CP: variants seen among roughly 807,000 people sequenced by gnomAD.
The protein encoded by CP is caeruloplasmin.
In CP, 64 loss-of-function variants were observed where a neutral mutation model predicts 122.4. The observed-to-expected ratio is 0.52, with a 90% CI of 0.43 to 0.64. The LOEUF is 0.64. CP is among the 30% of genes least tolerant of loss of function. CP has a pLI of 0.00. For missense variants in CP, 1,167 were observed against 1,284.4 expected (o/e 0.91, Z 1.40); for synonymous variants, 440 against 436.4 (o/e 1.01, Z -0.10).
intron 9 of CP, among the ~76,000 whole-genome samples, chr3:149,197,409 C>T (rs1489424273): frequency 6.6e-6 from 1 of 151,816 alleles, no homozygotes; most frequent in African/African-American, 2.4e-5. Flanking sequence ...GTTTATGAAT[C>T]TAGGAAACCA....
chr3:149,213,687 C>T (rs1391773513), intron 1 of CP, among the ~76,000 whole-genome samples: 1 of 149,734 alleles, frequency 6.7e-6, no homozygotes, highest in Non-Finnish European at 1.5e-5. Flanking sequence ...CTTCTTTCAT[C>T]TTATTGATCT....
At chr3:149,201,989 G>T in intron 7 of CP, 113 bp downstream of exon 7, 1 of 1,315,634 alleles carries the variant, frequency 7.6e-7, no homozygotes, top group Non-Finnish European at 1.1e-6. Flanking sequence ...TCTTCCACAC[G>T]CCTACTTAAC....
At chr3:149,210,596 T>A (rs904827036) in intron 2 of CP, among the ~76,000 whole-genome samples, 1 of 152,178 alleles carries the variant, frequency 6.6e-6, no homozygotes, top group African/African-American at 2.4e-5. Flanking sequence ...TATATTTGAT[T>A]GGGTTTTCAG....
At chr3:149,219,957 TGA>T (rs1242524508) in intron 1 of CP, among the ~76,000 whole-genome samples, 9 of 152,196 alleles carry the variant, frequency 5.9e-5, no homozygotes, top group African/African-American at 1.9e-4. Flanking sequence ...TGTGGAACTG[TGA>T]GTCCATTAAA....
At chr3:149,216,568 CT>C (rs1728471394) in intron 1 of CP, among the ~76,000 whole-genome samples, 2 of 152,184 alleles carry the variant, frequency 1.3e-5, no homozygotes. Flanking sequence ...AGGATTTCTT[CT>C]GGGAGCCACT....
chr3:149,214,706 C>T (rs1728343958), intron 1 of CP, among the ~76,000 whole-genome samples: 1 of 152,140 alleles, frequency 6.6e-6, no homozygotes, highest in South Asian at 2.1e-4. Flanking sequence ...TTCATGGACA[C>T]AGGTAGGCAT....
chr3:149,178,351 A>G (rs531175717), intron 16 of CP, 64 bp downstream of exon 16: 1 of 1,282,654 alleles, frequency 7.8e-7, no homozygotes, highest in East Asian at 2.4e-5. Flanking sequence ...TCTCCAAAAT[A>G]ATTTTATTTG....
rs747869799 is a variant in CP, at chr3:149,177,977, T to C, written c.2881A>G (p.Ile961Val). 4.3e-6 allele frequency: 7 copies of C among 1,613,094 alleles called. No individual in the cohort carries two copies. The highest frequency in any genetic ancestry group is 5.9e-6 in the Non-Finnish European group (7 of 1,179,158). ...EFIESNKMHAINGRMFGNLQG... is the reference protein window; with the variant it reads ...EFIESNKMHAVNGRMFGNLQG... ...AGGTTTCCAAACATTCTTCCATTAATAGCTAGGGAAAGCATATGGTTTTAT... is the reference window on the plus strand; with the variant it reads ...AGGTTTCCAAACATTCTTCCATTAACAGCTAGGGAAAGCATATGGTTTTAT... Residue 961 changes from isoleucine (I) to valine (V), a missense_variant and splice_region_variant, in exon 17 of 19, where the codon ATT (isoleucine) becomes GTT (valine). By Grantham distance (29) the Ile-to-Val change is conservative. Coordinates refer to ENST00000264613, the MANE Select transcript of CP (RefSeq NM_000096.4).
At chr3:149,163,827 T>C in intron 5 of CP, 1 of 1,357,854 alleles carries the variant, frequency 7.4e-7, no homozygotes, top group Non-Finnish European at 1.1e-6. Context: ...TATGAGAAAT[T>C]CTTTTATGTT....
At chr3:149,200,213 G>T (rs1727207173) in intron 7 of CP, among the ~76,000 whole-genome samples, 1 of 152,180 alleles carries the variant, frequency 6.6e-6, no homozygotes, top group African/African-American at 2.4e-5. Context: ...CAAGAGTTAG[G>T]TGCTATAAAC....
intron 8 of CP, among the ~76,000 whole-genome samples, chr3:149,198,911 CAGCT>C (rs1727099384): frequency 6.6e-6 from 1 of 152,218 alleles, no homozygotes; most frequent in South Asian, 2.1e-4. Context: ...ACATTTCTAT[CAGCT>C]AGAACAATGC....
chr3:149,167,368 G>A (rs1724529109), intron 4 of CP: 2 of 736,224 alleles, frequency 2.7e-6, no homozygotes, highest in Non-Finnish European at 4.8e-6. Context: ...TGGGTCCATT[G>A]AGCATATATG....
intron 18 of CP, 88 bp downstream of exon 18, chr3:149,176,162 A>T (rs1331818423): frequency 1.6e-6 from 2 of 1,236,442 alleles, no homozygotes; most frequent in Non-Finnish European, 2.4e-6. Context: ...ATATTGATGC[A>T]TCATATTGGG....
At position 149,178,456 on chromosome 3, in the gene CP, T is replaced by C. The variant is rs1185823259; in HGVS notation, c.2837A>G (p.Asn946Ser). 6.2e-7 allele frequency: 1 copy of C among 1,613,164 alleles called. No individual in the cohort carries two copies. Among genetic ancestry groups the C allele is most frequent in the East Asian group, 2.2e-5 (1 of 44,860 alleles). Residue 946 changes from asparagine to serine, a missense_variant, in exon 16 of 19, where the codon AAC becomes AGC. Coordinates refer to ENST00000264613, the MANE Select transcript of CP (RefSeq NM_000096.4). Reference protein sequence around the residue: ...KTYSDHPEKVNKDDEEFIESN... With the variant: ...KTYSDHPEKVSKDDEEFIESN... ...TTCTATGAATTCCTCATCATCTTTGTTTACTTTCTCGGGGTGATCAGAGTA... is the reference window on the plus strand; with the variant it reads ...TTCTATGAATTCCTCATCATCTTTGCTTACTTTCTCGGGGTGATCAGAGTA...
chr3:149,172,207 G>T (rs1360482890), downstream of CP: 12 of 1,613,178 alleles, frequency 7.4e-6, no homozygotes, highest in African/African-American at 1.1e-4. Context: ...GCAGTCGAAA[G>T]AAACCATTGA....
At chr3:149,181,153 A>G (rs936507524) in intron 14 of CP, among the ~76,000 whole-genome samples, 2 of 151,978 alleles carry the variant, frequency 1.3e-5, no homozygotes, top group Admixed American at 1.3e-4. Flanking sequence ...TCAGTCTTAA[A>G]TCTCGAGTCT....
At chr3:149,207,665 G>C in intron 4 of CP, 48 bp from the exon 5 acceptor site, 1 of 1,596,492 alleles carries the variant, frequency 6.3e-7, no homozygotes, top group Non-Finnish European at 8.6e-7. Flanking sequence ...TAATGCTTGA[G>C]ATAGTGAGAG....
chr3:149,219,400 G>T (rs1728665372), intron 1 of CP, among the ~76,000 whole-genome samples: 1 of 152,190 alleles, frequency 6.6e-6, no homozygotes, highest in Admixed American at 6.5e-5. Flanking sequence ...CATGTCAAGG[G>T]AGGGGGCCAG....
At chr3:149,201,298 A>AT (rs1727295518) in intron 7 of CP, among the ~76,000 whole-genome samples, 1 of 151,272 alleles carries the variant, frequency 6.6e-6, no homozygotes, top group African/African-American at 2.4e-5. Context: ...TTTTTTTTGT[A>AT]TTTTTAGTAG....
Sources: allele counts gnomAD v4.1 joint callset (sites outside exome capture counted in the v4.1 genomes callset), GRCh38; gene constraint gnomAD v4.1.1; transcripts MANE v1.5; gene names NCBI Gene and HGNC (gene_info 2026-07-23, HGNC 2026-07-21).